FOXP2: variants seen among roughly 807,000 people sequenced by gnomAD.
FOXP2 encodes the protein forkhead box P2, also known as forkhead box protein P2.
Under a neutral mutation model 115.8 loss-of-function variants are expected in FOXP2, and 12 were observed. The observed-to-expected ratio is 0.10, with a 90% CI of 0.07 to 0.17. FOXP2 has a LOEUF of 0.17. Among genes scored for constraint, FOXP2 ranks in the 10% least tolerant of loss-of-function variants. The probability of loss-of-function intolerance (pLI) is 1.00; values close to 1 mark genes in which losing one functional copy is unlikely to be tolerated. For synonymous variants in FOXP2, 328 were observed against 297.7 expected (o/e 1.10, Z -1.05); for missense variants, 629 against 843.5 (o/e 0.75, Z 3.15).
At chr7:114,550,342 C>T (rs565655611) in intron 3 of FOXP2, among the ~76,000 whole-genome samples, 59 of 151,784 alleles carry the variant, frequency 3.9e-4, no homozygotes, top group African/African-American at 1.2e-3. Context: ...GGTCTCGATC[C>T]CTTGACCTCG....
At chr7:114,180,539 A>T (rs1397839094) in intron 1 of FOXP2, among the ~76,000 whole-genome samples, 1 of 151,946 alleles carries the variant, frequency 6.6e-6, no homozygotes, top group East Asian at 1.9e-4. Context: ...CCCTGCTTAA[A>T]TGTCCCATAA....
At chr7:114,172,799 A>G (rs1793182789) in intron 1 of FOXP2, among the ~76,000 whole-genome samples, 1 of 152,184 alleles carries the variant, frequency 6.6e-6, no homozygotes, top group African/African-American at 2.4e-5. Flanking sequence ...GATTCTAAGT[A>G]GAATTCTGAG....
chr7:114,281,255 C>A (rs989693768), intron 1 of FOXP2, among the ~76,000 whole-genome samples: 1 of 151,712 alleles, frequency 6.6e-6, no homozygotes, highest in Non-Finnish European at 1.5e-5. Flanking sequence ...GTGCCTGCTA[C>A]CATGCCCGGC....
chr7:114,580,187 A>T (rs1263330401), intron 3 of FOXP2, among the ~76,000 whole-genome samples: 1 of 152,238 alleles, frequency 6.6e-6, no homozygotes, highest in Non-Finnish European at 1.5e-5. Context: ...ATGACAAAAA[A>T]TATTGGAGTC....
chr7:114,627,316 A>G (rs1804645566), intron 3 of FOXP2, among the ~76,000 whole-genome samples: 1 of 152,000 alleles, frequency 6.6e-6, no homozygotes, highest in South Asian at 2.1e-4. Flanking sequence ...GTTGCCCAAT[A>G]AATTTGTTCT....
chr7:114,369,330 G>C (rs2694942), intron 2 of FOXP2, among the ~76,000 whole-genome samples: 145,618 of 152,264 alleles, frequency 0.96, 69,899 homozygotes, highest in East Asian at 1. Context: ...GAATTTGTAG[G>C]TATCTTTACA....
chr7:114,634,487 G>A (rs983401693), intron 6 of FOXP2, among the ~76,000 whole-genome samples: 1 of 151,770 alleles, frequency 6.6e-6, no homozygotes, highest in African/African-American at 2.4e-5. Context: ...TATCATCTTA[G>A]TGTAAATTAT....
intron 2 of FOXP2, among the ~76,000 whole-genome samples, chr7:114,328,294 T>C (rs1268942003): frequency 1.4e-5 from 2 of 148,086 alleles, no homozygotes; most frequent in East Asian, 2.0e-4. Flanking sequence ...TGGAGTCCAG[T>C]GGCGCGATCT....
intron 1 of FOXP2, among the ~76,000 whole-genome samples, chr7:114,421,534 C>T (rs1793621601): frequency 6.6e-6 from 1 of 151,076 alleles, no homozygotes; most frequent in South Asian, 2.1e-4. Context: ...TTGTGTATAG[C>T]ATTTTAGGCA....
intron 2 of FOXP2, among the ~76,000 whole-genome samples, chr7:114,522,526 A>G (rs1798673942): frequency 1.3e-5 from 2 of 152,172 alleles, no homozygotes; most frequent in Non-Finnish European, 2.9e-5. Context: ...TTTTATTTAT[A>G]TACATATTTT....
chr7:114,676,715 G>T (rs1379473272), intron 16 of FOXP2, among the ~76,000 whole-genome samples: 1 of 152,146 alleles, frequency 6.6e-6, no homozygotes, highest in Non-Finnish European at 1.5e-5. Context: ...TATGCTATTT[G>T]AATGTATTGG....
At chr7:114,223,190 A>G (rs1205464885) in intron 1 of FOXP2, among the ~76,000 whole-genome samples, 2 of 152,076 alleles carry the variant, frequency 1.3e-5, no homozygotes, top group Admixed American at 6.6e-5. Context: ...ATTATTTTCA[A>G]AAATGGATGC....
intron 2 of FOXP2, among the ~76,000 whole-genome samples, chr7:114,341,988 T>C (rs1332216130): frequency 6.6e-6 from 1 of 151,376 alleles, no homozygotes. Flanking sequence ...CCCAACCTTC[T>C]TTATGCCTCA....
chr7:114,199,753 T>C (rs1332232938), intron 1 of FOXP2, among the ~76,000 whole-genome samples: 2 of 152,198 alleles, frequency 1.3e-5, no homozygotes, highest in Non-Finnish European at 1.5e-5. Flanking sequence ...TGTTCTTAAG[T>C]TTAATAAAAG....
At position 114,664,452 on chromosome 7, in the gene FOXP2, A is replaced by C. The variant is rs200909163; in HGVS notation, c.2003+16A>C. The C allele has an allele frequency of 1.4e-4, 220 of 1,613,088 alleles. No homozygotes were observed. The highest frequency in any genetic ancestry group is 2.3e-5 in the Non-Finnish European group (27 of 1,179,498). On this transcript the variant is annotated intron_variant, in intron 16 of 16. Transcript: ENST00000350908. ...AGCCGCACATGTAAGTGTGGTTAAC[A>C]GACTCTCTAAAGGGAAGAATCTATA...
intron 2 of FOXP2, among the ~76,000 whole-genome samples, chr7:114,298,024 A>G (rs999211158): frequency 1.3e-5 from 2 of 152,164 alleles, no homozygotes; most frequent in Admixed American, 6.5e-5. Context: ...AGTACATCTT[A>G]TTTGCTATGG....
At chr7:114,642,381 T>G (rs1422491288) in intron 6 of FOXP2, 29 bp from the exon 7 acceptor site, 1 of 1,579,746 alleles carries the variant, frequency 6.3e-7, no homozygotes. Context: ...TACCTTGTTA[T>G]GCTAGTGAAG....
chr7:114,089,220 G>A (rs927709598), intron 1 of FOXP2, among the ~76,000 whole-genome samples: 3 of 152,058 alleles, frequency 2.0e-5, no homozygotes, highest in African/African-American at 7.2e-5. Context: ...AACTTTGAAA[G>A]AGGAGACTAG....
rs923254861 is a variant in FOXP2 at position 114,649,836 on chromosome 7, G to T, written c.1095-2367G>T. On this transcript the variant is annotated intron_variant, in intron 8 of 16. Transcript: ENST00000350908. The stretch of plus-strand genomic sequence containing the variant: ...GCTGTTCTATAAATGATCATTGAAG[G>T]GCTGCAAGCTAGCCTATAATTACAG... Among the ~76,000 whole-genome samples the T allele has an allele frequency of 2.6e-5, 4 of 152,064 alleles. No homozygotes were observed. The South Asian group carries it at 8.3e-4, about 32-fold the overall frequency.
Sources: allele counts gnomAD v4.1 joint callset (sites outside exome capture counted in the v4.1 genomes callset), GRCh38; gene constraint gnomAD v4.1.1; transcripts MANE v1.5; gene names NCBI Gene and HGNC (gene_info 2026-07-23, HGNC 2026-07-21).